The following NALF1 variants were observed in gnomAD, a reference collection of about 807,000 sequenced individuals.
NALF1 encodes the protein family with sequence similarity 155 member A.
In NALF1, 3 loss-of-function variants were observed where a neutral mutation model predicts 48.4. The ratio of observed to expected loss-of-function variants is 0.06; its 90% CI spans 0.03 to 0.16. The LOEUF (loss-of-function observed/expected upper bound fraction) is 0.16. Ranked by LOEUF, NALF1 falls within the 10% of genes least tolerant of loss-of-function variation. The pLI is 1.00. For missense variants in NALF1, 526 were observed against 571.5 expected (o/e 0.92, Z 0.81); for synonymous variants, 262 against 245.7 (o/e 1.07, Z -0.62).
chr13:107,817,092 T>G (rs1203379101), intron 1 of NALF1, among the ~76,000 whole-genome samples: 1 of 151,682 alleles, frequency 6.6e-6, no homozygotes, highest in Non-Finnish European at 1.5e-5. Flanking sequence ...GCAATTTATA[T>G]GAACTATAAA....
chr13:107,214,468 A>G (rs1451119588), intron 1 of NALF1, among the ~76,000 whole-genome samples: 1 of 152,192 alleles, frequency 6.6e-6, no homozygotes, highest in Non-Finnish European at 1.5e-5. Context: ...ATATGAAACG[A>G]AAGAATAACT....
At chr13:107,328,056 G>C (rs905273248) in intron 1 of NALF1, among the ~76,000 whole-genome samples, 7 of 151,856 alleles carry the variant, frequency 4.6e-5, no homozygotes, top group African/African-American at 7.3e-5. Flanking sequence ...GAGTAGCTGG[G>C]CCTACAGGCA....
At chr13:107,430,052 A>G (rs1004483972) in intron 1 of NALF1, among the ~76,000 whole-genome samples, 4 of 152,202 alleles carry the variant, frequency 2.6e-5, no homozygotes, top group African/African-American at 9.6e-5. Flanking sequence ...CTGAGCCTTG[A>G]TATTAAGAGA....
chr13:107,206,803 T>A (rs1879653068), intron 2 of NALF1, among the ~76,000 whole-genome samples: 1 of 152,202 alleles, frequency 6.6e-6, no homozygotes, highest in African/African-American at 2.4e-5. Flanking sequence ...GTATCTGTCA[T>A]CAGGCCATGT....
chr13:107,743,572 T>C (rs1238516868), intron 1 of NALF1, among the ~76,000 whole-genome samples: 2 of 152,210 alleles, frequency 1.3e-5, no homozygotes, highest in Non-Finnish European at 2.9e-5. Context: ...ACATGCATTA[T>C]ATACACAACA....
intron 1 of NALF1, among the ~76,000 whole-genome samples, chr13:107,431,611 TG>T (rs1286632907): frequency 6.6e-6 from 1 of 152,212 alleles, no homozygotes; most frequent in African/African-American, 2.4e-5. Context: ...ATGTTCTTCC[TG>T]GGCACAAGAG....
At chr13:107,584,537 G>A (rs1457529754) in intron 1 of NALF1, among the ~76,000 whole-genome samples, 1 of 152,160 alleles carries the variant, frequency 6.6e-6, no homozygotes, top group African/African-American at 2.4e-5. Flanking sequence ...ACAGTTAGAA[G>A]AGGCTTTTAA....
At chr13:107,719,648 A>G (rs943922761) in intron 1 of NALF1, among the ~76,000 whole-genome samples, 2 of 151,842 alleles carry the variant, frequency 1.3e-5, no homozygotes, top group South Asian at 2.1e-4. Flanking sequence ...ACTATTAATC[A>G]CTGTGCCTGT....
intron 1 of NALF1, among the ~76,000 whole-genome samples, chr13:107,583,963 C>A (rs1195852661): frequency 2.0e-5 from 3 of 152,044 alleles, no homozygotes; most frequent in African/African-American, 2.4e-5. Flanking sequence ...AAAAAATCAT[C>A]TTAAATACCC....
chr13:107,224,323 A>C (rs1308818883), intron 1 of NALF1, among the ~76,000 whole-genome samples: 3 of 151,514 alleles, frequency 2.0e-5, no homozygotes, highest in Non-Finnish European at 2.9e-5. Flanking sequence ...TGGTCATTTA[A>C]TTTTAATAAT....
At chr13:107,302,505 A>C (rs1881857296) in intron 1 of NALF1, among the ~76,000 whole-genome samples, 1 of 152,108 alleles carries the variant, frequency 6.6e-6, no homozygotes, top group Non-Finnish European at 1.5e-5. Flanking sequence ...GCAGTGGTGG[A>C]TAAAATGAGC....
At chr13:107,357,022 AGAGG>A (rs755046836) in intron 1 of NALF1, among the ~76,000 whole-genome samples, 9 of 152,356 alleles carry the variant, frequency 5.9e-5, no homozygotes, top group Non-Finnish European at 8.8e-5. Flanking sequence ...ATACACATCA[AGAGG>A]GAAAGGAGGA....
intron 1 of NALF1, among the ~76,000 whole-genome samples, chr13:107,306,789 C>T (rs1473788513): frequency 6.6e-6 from 1 of 152,082 alleles, no homozygotes; most frequent in African/African-American, 2.4e-5. Flanking sequence ...CGTGGTGTGA[C>T]CCTGTCTCTA....
chr13:107,741,679 C>A (rs1876641947), intron 1 of NALF1, among the ~76,000 whole-genome samples: 1 of 152,176 alleles, frequency 6.6e-6, no homozygotes, highest in Non-Finnish European at 1.5e-5. Context: ...GACCAACACA[C>A]AACTCAGGAG....
At chr13:107,673,796 A>G (rs1030324398) in intron 1 of NALF1, among the ~76,000 whole-genome samples, 3 of 152,174 alleles carry the variant, frequency 2.0e-5, no homozygotes, top group African/African-American at 7.2e-5. Context: ...ATAAATATTT[A>G]TAATTACTAT....
At chr13:107,234,364 C>A (rs1880293676) in intron 1 of NALF1, among the ~76,000 whole-genome samples, 1 of 152,234 alleles carries the variant, frequency 6.6e-6, no homozygotes. Flanking sequence ...CAACAACCTG[C>A]ACAGCAGATT....
At chr13:107,283,677 T>G (rs1881434342) in intron 1 of NALF1, among the ~76,000 whole-genome samples, 1 of 151,708 alleles carries the variant, frequency 6.6e-6, no homozygotes, top group African/African-American at 2.4e-5. Flanking sequence ...TTGTTGTTGT[T>G]GAGACAGAGT....
chr13:107,516,179 C>T (rs1161450223), intron 1 of NALF1, among the ~76,000 whole-genome samples: 1 of 152,076 alleles, frequency 6.6e-6, no homozygotes, highest in East Asian at 1.9e-4. Flanking sequence ...GATCCACATG[C>T]AATAAAGAGT....
intron 1 of NALF1, among the ~76,000 whole-genome samples, chr13:107,587,927 A>G (rs1323466122): frequency 6.6e-6 from 1 of 152,120 alleles, no homozygotes; most frequent in Non-Finnish European, 1.5e-5. Flanking sequence ...TATCTCCAGG[A>G]CCTAGCACAA....
Sources: gnomAD v4.1 joint callset for allele counts (sites outside exome capture counted in the v4.1 genomes callset) on GRCh38, gnomAD v4.1.1 for gene constraint, MANE v1.5 for transcripts, NCBI Gene and HGNC (gene_info 2026-07-23, HGNC 2026-07-21) for gene names.